Variants in DDX21 observed in about 807,000 individuals in gnomAD.
The protein encoded by DDX21 is nucleolar RNA helicase 2.
In DDX21, 18 loss-of-function variants were observed where a neutral mutation model predicts 90.0. That is an observed-to-expected ratio of 0.20 (90% CI 0.14 to 0.30). The LOEUF (loss-of-function observed/expected upper bound fraction) is 0.30. Ranked by LOEUF, DDX21 falls within the 10% of genes least tolerant of loss-of-function variation. The pLI is 1.00. For missense variants in DDX21, 673 were observed against 944.5 expected, an observed-to-expected ratio of 0.71 and a Z score of 3.77; for synonymous variants, 294 against 318.0, an observed-to-expected ratio of 0.92 and a Z score of 0.80.
rs140794291 is a variant in DDX21 at position 68,984,165 on chromosome 10, T to C, written c.*1353T>C. On this transcript the variant is annotated 3_prime_UTR_variant, in exon 15 of 15. Transcript: ENST00000354185. ...TAATTTCCAGAGATTATTTCTGTAC[T>C]GAGAATCCTGGAACTACTATGCTAG... 4.7e-3 allele frequency: 722 copies of C among 152,356 alleles called. 4 individuals are homozygous for C. Among genetic ancestry groups the C allele is most frequent in the African/African-American group, 0.016 (685 of 41,564 alleles). The allele number at this position is 152,356 out of a possible 1,614,324, so 9.4% of individuals were successfully genotyped here.
At chr10:68,972,936 GC>G (rs1399613755) in intron 9 of DDX21, among the ~76,000 whole-genome samples, 1 of 152,190 alleles carries the variant, frequency 6.6e-6, no homozygotes, top group Non-Finnish European at 1.5e-5. Context: ...TGTAATCCCA[GC>G]ACCTTGGGCG....
rs758557893 is a variant in DDX21 at position 68,963,364 on chromosome 10, T to G, written c.681T>G (p.Ile227Met). ...ATGTTTACAGCGGGAAGGACTTAAT[T>G]GCACAGGCACGGACAGGAACTGGGA... is the stretch of plus-strand genomic sequence containing the variant. ...FHHVYSGKDL[I>M]AQARTGTGKT... Residue 227 changes from isoleucine (I) to methionine (M), a missense_variant, in exon 4 of 15, where the codon ATT becomes ATG. Transcript: ENST00000354185. 1.2e-6 allele frequency: 2 copies of G among 1,614,174 alleles called. No individual in the cohort carries two copies. Among genetic ancestry groups the G allele is most frequent in the South Asian group, 2.2e-5 (2 of 91,080 alleles).
chr10:68,972,185 T>C (rs1398126889), intron 9 of DDX21, 133 bp downstream of exon 9: 2 of 1,038,710 alleles, frequency 1.9e-6, no homozygotes, highest in African/African-American at 3.2e-5. Context: ...TAAGGGTGAT[T>C]TTGAGAATGA....
At chr10:68,959,600 A>G (rs932302700) in intron 1 of DDX21, among the ~76,000 whole-genome samples, 1 of 152,324 alleles carries the variant, frequency 6.6e-6, no homozygotes, top group East Asian at 1.9e-4. Context: ...ATACCCGTCT[A>G]TATATATAGC....
chr10:68,965,981 A>G (rs1458338187), intron 5 of DDX21, among the ~76,000 whole-genome samples: 1 of 152,012 alleles, frequency 6.6e-6, no homozygotes, highest in Non-Finnish European at 1.5e-5. Flanking sequence ...TAAATTAGGA[A>G]GGGATTTAAG....
Position 68,965,408 on chromosome 10 carries a change from C to T in DDX21, c.818C>T (p.Ala273Val), listed in dbSNP as rs1237701493. The change falls in exon 5 of 15, where the codon GCA (alanine) becomes GTA (valine). Residue 273 changes from alanine to valine, a missense_variant. Transcript: ENST00000354185. ...GTTCTTGCACCTACAAGAGAGTTGGCAAATCAAGTAAGCAAAGACTTCAGT... is the reference window on the plus strand; with the variant it reads ...GTTCTTGCACCTACAAGAGAGTTGGTAAATCAAGTAAGCAAAGACTTCAGT... The part of the protein sequence containing the change: ...VLVLAPTREL[A>V]NQVSKDFSDI... 6.2e-7 allele frequency: 1 copy of T among 1,613,866 alleles called. No homozygotes were observed.
chr10:68,965,291 C>G, intron 4 of DDX21, 86 bp from the exon 5 acceptor site: 1 of 1,062,654 alleles, frequency 9.4e-7, no homozygotes. Context: ...TCAAGTCGTT[C>G]TTTTCCTGGA....
chr10:68,965,559 T>A, intron 5 of DDX21, 65 bp downstream of exon 5: 5 of 1,203,056 alleles, frequency 4.2e-6, no homozygotes, highest in Non-Finnish European at 6.1e-6. Context: ...TGATTGGATT[T>A]CTTTTCACCT....
Position 68,974,841 on chromosome 10 carries a change from TTA to T in DDX21, c.1742+99_1742+100del, listed in dbSNP as rs1381836044. The T allele has an allele frequency of 4.7e-3, 4,664 of 994,630 alleles. 30 individuals are homozygous for T. The highest frequency in any genetic ancestry group is 0.016 in the Middle Eastern group (76 of 4,658). The allele number at this position is 994,630 out of a possible 1,614,324, so 61.6% of individuals were successfully genotyped here. ...GATTTGACTTAAAAAAATTTTTTTT[TTA>T]AAATTTTTGAGACAGGGTCTCACTA... On this transcript the variant is annotated intron_variant, in intron 11 of 14. Coordinates refer to ENST00000354185, the MANE Select transcript of DDX21 (RefSeq NM_004728.4).
In DDX21 at chr10:68,963,336, A is replaced by ATC. The variant is rs1564626001; in HGVS notation, c.654_655dup (p.His219LeufsTer9). On this transcript the variant is annotated frameshift_variant, in exon 4 of 15. Coordinates refer to ENST00000354185, the MANE Select transcript of DDX21 (RefSeq NM_004728.4). LOFTEE classifies it high-confidence loss of function. ...TTTCCTATACAAGCAAAGACATTCC[A>ATC]TCATGTTTACAGCGGGAAGGACTTA... is the stretch of plus-strand genomic sequence containing the variant. 1 of 1,614,048 alleles carries ATC rather than the reference A, an allele frequency of 6.2e-7. No homozygotes were observed. The highest frequency in any genetic ancestry group is 8.5e-7 in the Non-Finnish European group (1 of 1,179,990).
At chr10:68,973,423 C>T (rs1843053456) in intron 9 of DDX21, 122 bp from the exon 10 acceptor site, 2 of 1,230,000 alleles carry the variant, frequency 1.6e-6, no homozygotes, top group Admixed American at 2.1e-5. Context: ...GCTAAGGGAC[C>T]TTCTCCCTCA....
At chr10:68,967,224 G>C (rs1261234390) in intron 6 of DDX21, 21 bp downstream of exon 6, 1 of 1,599,068 alleles carries the variant, frequency 6.3e-7, no homozygotes, top group Non-Finnish European at 8.5e-7. Context: ...AATTCAAGAA[G>C]CTGATAAAAA....
At position 68,956,510 on chromosome 10, in the gene DDX21, G is replaced by C. The variant is rs916968675; in HGVS notation, c.87+198G>C. On this transcript the variant is annotated intron_variant, in intron 1 of 14. Transcript: ENST00000354185. Reference sequence around the variant, plus strand: ...GTGGACGCGTCGTTTGCCCGACCGAGCCAGGTCCGCCGTGCGCTGACCTCT... The same window carrying C: ...GTGGACGCGTCGTTTGCCCGACCGACCCAGGTCCGCCGTGCGCTGACCTCT... 4 of 1,428,570 alleles carry C rather than the reference G, an allele frequency of 2.8e-6. No homozygotes were observed. The African/African-American group carries it at 5.8e-5, about 21-fold the overall frequency. The allele number at this position is 1,428,570 out of a possible 1,614,324, so 88.5% of individuals were successfully genotyped here.
intron 14 of DDX21, 141 bp from the exon 15 acceptor site, chr10:68,982,402 T>C: frequency 2.5e-6 from 3 of 1,183,950 alleles, no homozygotes; most frequent in Non-Finnish European, 3.5e-6. Context: ...GGGTGGCCAG[T>C]GTTATTTTTG....
At chr10:68,964,077 C>T (rs1280558493) in intron 4 of DDX21, 11 of 354,072 alleles carry the variant, frequency 3.1e-5, no homozygotes, top group Non-Finnish European at 5.9e-5. Flanking sequence ...CCAGCCTGGG[C>T]GATAGAGCAA....
chr10:68,977,497 A>G, intron 11 of DDX21, 32 bp from the exon 12 acceptor site: 1 of 1,553,276 alleles, frequency 6.4e-7, no homozygotes, highest in African/African-American at 1.4e-5. Flanking sequence ...CACTTCTAGT[A>G]TCCTTTCTCC....
At chr10:68,974,216 TG>T (rs1490171106) in intron 10 of DDX21, among the ~76,000 whole-genome samples, 2 of 152,218 alleles carry the variant, frequency 1.3e-5, no homozygotes, top group African/African-American at 4.8e-5. Flanking sequence ...CATAGCCATG[TG>T]CCCCTGATAA....
rs557745672 is a variant in DDX21 at position 68,979,734 on chromosome 10, G to A, written c.2037+758G>A. Among the ~76,000 whole-genome samples, 140 of 152,286 alleles carry A rather than the reference G, an allele frequency of 9.2e-4. 1 individual carries two copies. Among genetic ancestry groups the A allele is most frequent in the African/African-American group, 3.3e-3 (136 of 41,550 alleles). On this transcript the variant is annotated intron_variant, in intron 13 of 14. Coordinates refer to ENST00000354185, the MANE Select transcript of DDX21 (RefSeq NM_004728.4). Reference sequence around the variant, plus strand: ...CGGATTTATCTTCAACTTATTGCATGTCTAGCCATGTTGTTATCTCCTTAA... The same window carrying A: ...CGGATTTATCTTCAACTTATTGCATATCTAGCCATGTTGTTATCTCCTTAA...
At chr10:68,962,531 G>A (rs528812393) in intron 3 of DDX21, among the ~76,000 whole-genome samples, 9 of 152,134 alleles carry the variant, frequency 5.9e-5, no homozygotes, top group Non-Finnish European at 8.8e-5. Flanking sequence ...AAGGAAGATC[G>A]CTTGAGCCCA....
Sources: gnomAD v4.1 joint callset for allele counts (sites outside exome capture counted in the v4.1 genomes callset) on GRCh38, gnomAD v4.1.1 for gene constraint, MANE v1.5 for transcripts, NCBI Gene and HGNC (gene_info 2026-07-23, HGNC 2026-07-21) for gene names.